Variants in GABRG2 observed in about 807,000 individuals in gnomAD.
The protein encoded by GABRG2 is gamma-aminobutyric acid receptor subunit gamma-2.
A neutral mutation model predicts 56.4 loss-of-function variants in GABRG2; 16 were observed. The ratio of observed to expected loss-of-function variants is 0.28; its 90% CI spans 0.19 to 0.43. The LOEUF (loss-of-function observed/expected upper bound fraction) is 0.43. Ranked by LOEUF, GABRG2 falls within the 20% of genes least tolerant of loss-of-function variation. GABRG2 has a pLI of 1.00. For synonymous variants in GABRG2, 208 were observed against 205.5 expected, an observed-to-expected ratio of 1.01 and a Z score of -0.10; for missense variants, 327 against 582.7, an observed-to-expected ratio of 0.56 and a Z score of 4.52.
chr5:162,143,404 A>AATAT (rs1441219364), intron 7 of GABRG2, among the ~76,000 whole-genome samples: 1 of 152,326 alleles, frequency 6.6e-6, no homozygotes, highest in East Asian at 1.9e-4. Flanking sequence ...TGCTCAATCT[A>AATAT]ATATATATGG....
intron 9 of GABRG2, chr5:162,152,850 C>A: frequency 1.7e-6 from 1 of 599,316 alleles, no homozygotes; most frequent in South Asian, 2.0e-5. Flanking sequence ...TGTTCAATCT[C>A]CTTGCTATAG....
intron 4 of GABRG2, among the ~76,000 whole-genome samples, chr5:162,100,971 C>T (rs1035249149): frequency 6.6e-6 from 1 of 152,034 alleles, no homozygotes; most frequent in African/African-American, 2.4e-5. Flanking sequence ...AAACCAAAAC[C>T]AAAAACTTAA....
At chr5:162,088,828 G>T (rs1396305227) in intron 1 of GABRG2, among the ~76,000 whole-genome samples, 1 of 152,040 alleles carries the variant, frequency 6.6e-6, no homozygotes, top group Non-Finnish European at 1.5e-5. Flanking sequence ...AGTGTTTTGA[G>T]GATTAAGTGA....
intron 1 of GABRG2, among the ~76,000 whole-genome samples, chr5:162,076,100 C>T (rs1230369266): frequency 6.6e-6 from 1 of 151,984 alleles, no homozygotes; most frequent in Non-Finnish European, 1.5e-5. Context: ...TGCAGTGAGC[C>T]ATGTTTGCAC....
intron 6 of GABRG2, among the ~76,000 whole-genome samples, chr5:162,124,620 AGTG>A (rs1271789619): frequency 5.9e-5 from 9 of 151,766 alleles, no homozygotes; most frequent in African/African-American, 2.2e-4. Context: ...AGAGGCTGGT[AGTG>A]TTATTCTAAT....
At chr5:162,084,933 G>A (rs1330721572) in intron 1 of GABRG2, among the ~76,000 whole-genome samples, 2 of 151,638 alleles carry the variant, frequency 1.3e-5, no homozygotes, top group Non-Finnish European at 2.9e-5. Flanking sequence ...CCAATAACAA[G>A]TATAGTGTAT....
At position 162,104,043 on chromosome 5, in the gene GABRG2, A is replaced by G; in HGVS notation, c.769+17A>G. 1.9e-6 allele frequency: 3 copies of G among 1,613,696 alleles called. No individual in the cohort carries two copies. In the South Asian group the frequency reaches 3.3e-5, roughly 18 times the overall value. ...CAACTTCCGGTAAGATGCACTGGCAAAGAATTTCAAGTGACCCTTCCAGAG... is the reference window on the plus strand; with the variant it reads ...CAACTTCCGGTAAGATGCACTGGCAGAGAATTTCAAGTGACCCTTCCAGAG... On this transcript the variant is annotated intron_variant, in intron 6 of 9. Transcript: ENST00000639213.
chr5:162,125,000 G>A (rs1763233111), intron 6 of GABRG2, among the ~76,000 whole-genome samples: 1 of 147,890 alleles, frequency 6.8e-6, no homozygotes, highest in African/African-American at 2.5e-5. Context: ...GTGTGTATTT[G>A]CAACTAAGCA....
chr5:162,109,415 TATATATA>T (rs1561647288), intron 6 of GABRG2, among the ~76,000 whole-genome samples: 2 of 141,744 alleles, frequency 1.4e-5, no homozygotes, highest in Non-Finnish European at 3.0e-5. Flanking sequence ...TATATATATA[TATATATA>T]TTTATTTATA....
At position 162,067,986 on chromosome 5, in the gene GABRG2, A is replaced by G; in HGVS notation, c.-14A>G. 1 of 1,443,072 alleles carries G rather than the reference A, an allele frequency of 6.9e-7. No individual in the cohort carries two copies. 89.4% of individuals were successfully genotyped at this position (1,443,072 alleles called of 1,614,324 possible). On this transcript the variant is annotated 5_prime_UTR_variant, in exon 1 of 10. Coordinates refer to ENST00000639213, the MANE Select transcript of GABRG2 (RefSeq NM_198904.4). ...CAAGAGGCAAGAGGCGAGAGAAGGAAAAAAAAAAAAGCGATGAGTTCGCCA... is the reference window on the plus strand; with the variant it reads ...CAAGAGGCAAGAGGCGAGAGAAGGAGAAAAAAAAAAGCGATGAGTTCGCCA...
intron 6 of GABRG2, among the ~76,000 whole-genome samples, chr5:162,130,845 C>G (rs574393157): frequency 6.6e-6 from 1 of 152,048 alleles, no homozygotes; most frequent in South Asian, 2.1e-4. Flanking sequence ...AGAGCATACA[C>G]TTGCTTGGAA....
chr5:162,087,262 A>G lies in GABRG2; in HGVS notation c.108-6566A>G, dbSNP rs1760195300. ...TTCCCTCCTCACCTTCTGAACTAACATAATTTTAATTTGGTATCTGTGAAG... is the reference window on the plus strand; with the variant it reads ...TTCCCTCCTCACCTTCTGAACTAACGTAATTTTAATTTGGTATCTGTGAAG... On this transcript the variant is annotated intron_variant, in intron 1 of 9. Coordinates refer to ENST00000639213, the MANE Select transcript of GABRG2 (RefSeq NM_198904.4). Among the ~76,000 whole-genome samples the G allele has an allele frequency of 2.6e-5, 4 of 152,220 alleles. No individual in the cohort carries two copies. The South Asian group carries it at 6.2e-4, about 24-fold the overall frequency.
At chr5:162,104,082 A>G in intron 6 of GABRG2, 56 bp downstream of exon 6, 2 of 1,576,470 alleles carry the variant, frequency 1.3e-6, no homozygotes, top group South Asian at 2.2e-5. Flanking sequence ...AAATTTTGGT[A>G]TATATGAATT....
intron 6 of GABRG2, among the ~76,000 whole-genome samples, chr5:162,133,665 A>T (rs1030065103): frequency 6.6e-6 from 1 of 152,144 alleles, no homozygotes; most frequent in Non-Finnish European, 1.5e-5. Context: ...ACTCAGACAA[A>T]TGAATAGCAT....
In GABRG2 at chr5:162,068,042, T is replaced by G; in HGVS notation, c.43T>G (p.Ser15Ala). The stretch of plus-strand genomic sequence containing the variant: ...ATGGAGCACAGGAAGCTCAGTCTAC[T>G]CGACTCCTGTATTTTCACAGAAAAT... ...NIWSTGSSVY[S>A]TPVFSQKMTV... Residue 15 changes from serine to alanine, a missense_variant, in exon 1 of 10, where the codon TCG becomes GCG. Coordinates refer to ENST00000639213, the MANE Select transcript of GABRG2 (RefSeq NM_198904.4). 1 of 1,613,148 alleles carries G rather than the reference T, an allele frequency of 6.2e-7. No individual in the cohort carries two copies. Among genetic ancestry groups the G allele is most frequent in the Non-Finnish European group, 8.5e-7 (1 of 1,179,710 alleles).
intron 7 of GABRG2, among the ~76,000 whole-genome samples, chr5:162,148,547 C>T (rs989598756): frequency 2.6e-5 from 4 of 152,188 alleles, no homozygotes; most frequent in African/African-American, 7.2e-5. Context: ...AAACTGTCTG[C>T]ATGTGCCACA....
chr5:162,125,173 A>G (rs907389160), intron 6 of GABRG2, among the ~76,000 whole-genome samples: 1 of 151,850 alleles, frequency 6.6e-6, no homozygotes, highest in Non-Finnish European at 1.5e-5. Context: ...TTTCTGGTAG[A>G]GAAACAACTA....
intron 6 of GABRG2, among the ~76,000 whole-genome samples, chr5:162,127,400 A>G (rs781692553): frequency 3.9e-5 from 6 of 151,946 alleles, no homozygotes; most frequent in Non-Finnish European, 5.9e-5. Context: ...AATCACCTAT[A>G]TGGTATGCTC....
intron 1 of GABRG2, among the ~76,000 whole-genome samples, chr5:162,093,514 A>G (rs1343529449): frequency 6.6e-6 from 1 of 152,156 alleles, no homozygotes; most frequent in Admixed American, 6.6e-5. Context: ...TCACACAAAT[A>G]GTTTTCTTAT....
Sources: gnomAD v4.1 joint callset for allele counts (sites outside exome capture counted in the v4.1 genomes callset) on GRCh38, gnomAD v4.1.1 for gene constraint, MANE v1.5 for transcripts, NCBI Gene and HGNC (gene_info 2026-07-23, HGNC 2026-07-21) for gene names.